SEMA3C: variants seen among roughly 807,000 people sequenced by gnomAD.
SEMA3C encodes semaphorin-3C.
Under a neutral mutation model 89.4 loss-of-function variants are expected in SEMA3C, and 47 were observed. The observed-to-expected ratio is 0.53, with a 90% CI of 0.42 to 0.67. The LOEUF is 0.67. Among genes scored for constraint, SEMA3C ranks in the 30% least tolerant of loss-of-function variants. SEMA3C has a pLI of 0.00. For synonymous variants in SEMA3C, 310 were observed against 320.2 expected (o/e 0.97, Z 0.34); for missense variants, 839 against 929.1 (o/e 0.90, Z 1.26).
rs10660428 is a variant in SEMA3C, at chr7:80,752,614, C to CAAA, written c.1644-1281_1644-1279dup. The stretch of plus-strand genomic sequence containing the variant: ...TGGGTCACAGGGTGAGACTCCATCT[C>CAAA]AAAAAAAAAAAAAAAAAAATACAAT... On this transcript the variant is annotated intron_variant, in intron 15 of 17. Coordinates refer to ENST00000265361, the MANE Select transcript of SEMA3C (RefSeq NM_006379.5). Among the ~76,000 whole-genome samples, 289 of 111,290 alleles carry CAAA rather than the reference C, an allele frequency of 2.6e-3. 3 individuals are homozygous for CAAA. The highest frequency in any genetic ancestry group is 8.7e-3 in the African/African-American group (245 of 28,160). The allele number at this position is 111,290 out of a possible 152,430, so 73.0% of individuals were successfully genotyped here.
Position 80,810,593 on chromosome 7 carries a change from C to T in SEMA3C, c.538+18G>A, listed in dbSNP as rs766957394. On this transcript the variant is annotated intron_variant, in intron 6 of 17. Coordinates refer to ENST00000265361, the MANE Select transcript of SEMA3C (RefSeq NM_006379.5). ...TGTTATTTTATGTTTAATCCTCCCT[C>T]TTTCGTTGTCTACTTACTGATCATA... 2.5e-6 allele frequency: 4 copies of T among 1,602,094 alleles called. No individual in the cohort carries two copies. The highest frequency in any genetic ancestry group is 3.4e-6 in the Non-Finnish European group (4 of 1,170,236).
intron 4 of SEMA3C, among the ~76,000 whole-genome samples, chr7:80,822,422 A>T (rs1789774282): frequency 6.6e-6 from 1 of 151,728 alleles, no homozygotes; most frequent in South Asian, 2.1e-4. Flanking sequence ...AAAATAAAAA[A>T]AAAACAGCAT....
At chr7:80,836,630 A>T (rs1475077835) in intron 2 of SEMA3C, among the ~76,000 whole-genome samples, 1 of 152,168 alleles carries the variant, frequency 6.6e-6, no homozygotes. Flanking sequence ...GAGAGCAGAG[A>T]TCATGCCACT....
chr7:80,901,279 G>C (rs1791873887), intron 2 of SEMA3C, among the ~76,000 whole-genome samples: 1 of 152,172 alleles, frequency 6.6e-6, no homozygotes, highest in Admixed American at 6.5e-5. Context: ...CCTTGACTAT[G>C]TGATTCAACG....
intron 2 of SEMA3C, among the ~76,000 whole-genome samples, chr7:80,854,056 A>G (rs918622824): frequency 6.6e-6 from 1 of 152,214 alleles, no homozygotes; most frequent in Non-Finnish European, 1.5e-5. Context: ...CAGGTCATTG[A>G]GAAATGTAAA....
intron 2 of SEMA3C, among the ~76,000 whole-genome samples, chr7:80,843,262 A>G (rs1258927850): frequency 6.6e-6 from 1 of 152,174 alleles, no homozygotes; most frequent in Non-Finnish European, 1.5e-5. Context: ...ATTCCAAATA[A>G]CCTGACTCTA....
chr7:80,754,040 C>G (rs918735563), intron 15 of SEMA3C, among the ~76,000 whole-genome samples: 8 of 152,098 alleles, frequency 5.3e-5, no homozygotes, highest in Admixed American at 6.5e-5. Context: ...CAGGTTCAAG[C>G]GACTCCCCTG....
intron 15 of SEMA3C, among the ~76,000 whole-genome samples, chr7:80,753,571 T>C (rs1787986623): frequency 6.6e-6 from 1 of 152,220 alleles, no homozygotes; most frequent in South Asian, 2.1e-4. Flanking sequence ...GGCAGCCATC[T>C]GAGCATTTTT....
intron 2 of SEMA3C, among the ~76,000 whole-genome samples, chr7:80,833,227 G>A (rs1402347017): frequency 1.3e-4 from 19 of 151,046 alleles, no homozygotes; most frequent in Non-Finnish European, 4.4e-5. Flanking sequence ...GAGGTCAGGA[G>A]ATCGAGACTA....
intron 14 of SEMA3C, among the ~76,000 whole-genome samples, chr7:80,761,042 C>A (rs1262268222): frequency 6.6e-6 from 1 of 151,978 alleles, no homozygotes; most frequent in African/African-American, 2.4e-5. Flanking sequence ...AGGGACAAAT[C>A]AGACAATTAA....
chr7:80,756,853 C>G (rs1788076929), intron 15 of SEMA3C, among the ~76,000 whole-genome samples: 1 of 152,178 alleles, frequency 6.6e-6, no homozygotes. Context: ...CTCCTGCTTA[C>G]CACTTATTGT....
intron 2 of SEMA3C, among the ~76,000 whole-genome samples, chr7:80,852,946 G>A (rs997041538): frequency 1.3e-5 from 2 of 152,014 alleles, no homozygotes; most frequent in Admixed American, 1.3e-4. Flanking sequence ...CCAAAGTGCT[G>A]GGATTACAGG....
intron 11 of SEMA3C, among the ~76,000 whole-genome samples, chr7:80,797,148 T>C (rs1435439618): frequency 1.3e-5 from 2 of 152,138 alleles, no homozygotes; most frequent in Non-Finnish European, 2.9e-5. Context: ...TTTATAATTA[T>C]AGCCCTATTT....
intron 12 of SEMA3C, among the ~76,000 whole-genome samples, chr7:80,765,806 T>C (rs1467643272): frequency 6.6e-6 from 1 of 152,174 alleles, no homozygotes; most frequent in Non-Finnish European, 1.5e-5. Flanking sequence ...CTCAATCTCC[T>C]GATCTCATGA....
intron 2 of SEMA3C, among the ~76,000 whole-genome samples, chr7:80,885,895 TCTAA>T (rs1160036528): frequency 2.0e-5 from 3 of 152,212 alleles, no homozygotes; most frequent in Non-Finnish European, 2.9e-5. Context: ...AGTCCTTTAA[TCTAA>T]CTGTCTTGTC....
chr7:80,895,621 A>C (rs1371213345), intron 2 of SEMA3C, among the ~76,000 whole-genome samples: 2 of 152,230 alleles, frequency 1.3e-5, no homozygotes. Context: ...GCACGGAATG[A>C]TTAGAATGTT....
chr7:80,820,388 T>C (rs1190738152), intron 4 of SEMA3C, among the ~76,000 whole-genome samples: 1 of 151,970 alleles, frequency 6.6e-6, no homozygotes, highest in Non-Finnish European at 1.5e-5. Flanking sequence ...ACCATATCTA[T>C]TATTTATATT....
At chr7:80,769,331 C>T (rs1788374642) in intron 12 of SEMA3C, among the ~76,000 whole-genome samples, 1 of 152,064 alleles carries the variant, frequency 6.6e-6, no homozygotes, top group South Asian at 2.1e-4. Flanking sequence ...AATAAAACTG[C>T]ATAAAAACAG....
intron 2 of SEMA3C, among the ~76,000 whole-genome samples, chr7:80,879,667 G>A (rs1791288141): frequency 6.6e-6 from 1 of 152,082 alleles, no homozygotes; most frequent in Admixed American, 6.6e-5. Context: ...AGCTTATTAA[G>A]CTTTAGCTTA....
Sources: gnomAD v4.1 joint callset for allele counts (sites outside exome capture counted in the v4.1 genomes callset) on GRCh38, gnomAD v4.1.1 for gene constraint, MANE v1.5 for transcripts, NCBI Gene and HGNC (gene_info 2026-07-23, HGNC 2026-07-21) for gene names.